Variants in NSUN7 observed in about 807,000 individuals in gnomAD.
NSUN7 encodes protein NSUN7.
A neutral mutation model predicts 58.5 loss-of-function variants in NSUN7; 39 were observed. The observed-to-expected ratio is 0.67, with a 90% CI of 0.52 to 0.87. NSUN7 has a LOEUF of 0.87. Ranked by LOEUF, NSUN7 falls within the 40% of genes least tolerant of loss-of-function variation. The pLI is 0.00. For synonymous variants in NSUN7, 278 were observed against 303.7 expected (o/e 0.92, Z 0.88); for missense variants, 765 against 844.1 (o/e 0.91, Z 1.16).
At chr4:40,763,588 A>T (rs528782401) in intron 4 of NSUN7, among the ~76,000 whole-genome samples, 1 of 152,284 alleles carries the variant, frequency 6.6e-6, no homozygotes, top group Non-Finnish European at 1.5e-5. Context: ...AGTAAGAAAG[A>T]TTACACTGTG....
intron 2 of NSUN7, among the ~76,000 whole-genome samples, chr4:40,752,832 T>TGGAGAAAAA (rs1740906634): frequency 6.6e-6 from 1 of 152,288 alleles, no homozygotes. Flanking sequence ...GTCTCTTTGT[T>TGGAGAAAAA]TTTTGTTTCT....
rs1460148612 is a variant in NSUN7, at chr4:40,808,612, C to T, written c.1830C>T (p.Ala610=). 3 of 1,551,588 alleles carry T rather than the reference C, an allele frequency of 1.9e-6. No individual in the cohort carries two copies. The highest frequency in any genetic ancestry group is 2.6e-6 in the Non-Finnish European group (3 of 1,147,006). The change falls in exon 12 of 12, where the codon GCC becomes GCT. Residue 610 remains alanine (A), a synonymous_variant. Coordinates refer to ENST00000381782, the MANE Select transcript of NSUN7 (RefSeq NM_024677.6). ...AGACCAGAAAACCCAACAAGCTGGC[C>T]CCCCATCCTGCAGTGCCTGCATTTG... The part of the protein sequence containing the change: ...SSQTRKPNKL[A]PHPAVPAFVK...
rs1445748426 is a variant in NSUN7 at position 40,760,488 on chromosome 4, C to T, written c.353C>T (p.Thr118Ile). The T allele has an allele frequency of 2.5e-6, 4 of 1,592,446 alleles. No individual in the cohort carries two copies. Among genetic ancestry groups the T allele is most frequent in the African/African-American group, 2.7e-5 (2 of 74,272 alleles). The part of the protein sequence containing the change: ...LIDSCIFPST[T>I]IPDHLSSLII... ...GACAGCTGTATCTTCCCAAGTACCA[C>T]AATAGTAAGTAGATAAGTTTTAGAA... The change falls in exon 3 of 12, where the codon ACA (threonine) becomes ATA (isoleucine). Residue 118 changes from threonine (T) to isoleucine (I), a missense_variant. Transcript: ENST00000381782.
chr4:40,805,648 A>G (rs1032658351), intron 10 of NSUN7, among the ~76,000 whole-genome samples: 3 of 152,126 alleles, frequency 2.0e-5, no homozygotes, highest in African/African-American at 7.2e-5. Context: ...TTGGTGGCTT[A>G]TGATAACAAA....
chr4:40,793,622 A>G (rs773293186), intron 8 of NSUN7, among the ~76,000 whole-genome samples: 1 of 152,224 alleles, frequency 6.6e-6, no homozygotes, highest in Non-Finnish European at 1.5e-5. Flanking sequence ...CTAGAGAGGC[A>G]GTATAATACA....
intron 2 of NSUN7, among the ~76,000 whole-genome samples, chr4:40,754,935 G>A (rs536919588): frequency 9.9e-5 from 15 of 152,052 alleles, no homozygotes; most frequent in East Asian, 3.8e-4. Context: ...GATTTAAAGC[G>A]CTCCGTAAAA....
intron 4 of NSUN7, among the ~76,000 whole-genome samples, chr4:40,764,143 T>C (rs956309989): frequency 4.6e-5 from 7 of 151,652 alleles, no homozygotes; most frequent in African/African-American, 1.7e-4. Flanking sequence ...TAGTTACATA[T>C]GTATACATGT....
At position 40,756,169 on chromosome 4, in the gene NSUN7, G is replaced by A. The variant is rs1049735525; in HGVS notation, c.299-4265G>A. On this transcript the variant is annotated intron_variant, in intron 2 of 11. Transcript: ENST00000381782. The stretch of plus-strand genomic sequence containing the variant: ...CCTAGGAACCAGTCAAAGGCCAACC[G>A]TTTCTTTAGAATATCCAGAGTTTGG... Among the ~76,000 whole-genome samples, 6 of 152,158 alleles carry A rather than the reference G, an allele frequency of 3.9e-5. No individual in the cohort carries two copies. The East Asian group carries it at 5.8e-4, about 15-fold the overall frequency.
chr4:40,780,784 CACATACACATATAT>C (rs1173977194), intron 7 of NSUN7, among the ~76,000 whole-genome samples: 3 of 78,868 alleles, frequency 3.8e-5, no homozygotes, highest in Non-Finnish European at 7.4e-5. Flanking sequence ...CACACACACA[CACATACACATATAT>C]ATATATATAT....
intron 7 of NSUN7, among the ~76,000 whole-genome samples, chr4:40,783,713 T>C (rs1303730134): frequency 6.6e-6 from 1 of 151,976 alleles, no homozygotes; most frequent in Non-Finnish European, 1.5e-5. Context: ...CCGGGAATGG[T>C]GGTGCACACT....
At position 40,775,068 on chromosome 4, in the gene NSUN7, A is replaced by G. The variant is rs1742202499; in HGVS notation, c.825+118A>G. On this transcript the variant is annotated intron_variant, in intron 6 of 11. Transcript: ENST00000381782. This position sits in a 1 kb window ranked among gnomAD's most constrained non-coding sequence, Gnocchi z 4.3. ...TTTTTATAGATTATCAGGGAGGTTT[A>G]TAAGGCCTAATTGTCACCTTGAATA... 5.9e-6 allele frequency: 3 copies of G among 506,840 alleles called. No homozygotes were observed. The highest frequency in any genetic ancestry group is 5.2e-4 in the Middle Eastern group (1 of 1,928). The allele number at this position is 506,840 out of a possible 1,614,324, so 31.4% of individuals were successfully genotyped here.
At chr4:40,799,088 T>G (rs917398601) in intron 10 of NSUN7, among the ~76,000 whole-genome samples, 184 bp downstream of exon 10, 25 of 140,772 alleles carry the variant, frequency 1.8e-4, no homozygotes, top group African/African-American at 1.6e-4. Flanking sequence ...TTTTTTTTTT[T>G]TTTTTTTTTT....
intron 7 of NSUN7, among the ~76,000 whole-genome samples, chr4:40,780,802 TATATATATATA>T (rs1190034146): frequency 1.7e-3 from 174 of 102,876 alleles, no homozygotes; most frequent in Non-Finnish European, 2.2e-3. Context: ...CATATATATA[TATATATATATA>T]TTTTTTTTTT....
At chr4:40,765,591 A>G (rs1403687705) in intron 4 of NSUN7, among the ~76,000 whole-genome samples, 1 of 152,064 alleles carries the variant, frequency 6.6e-6, no homozygotes, top group Non-Finnish European at 1.5e-5. Context: ...TATGAACTTT[A>G]AAGTAGTTTT....
chr4:40,809,131 T>TTCAGAGACTTCAGCCAA lies in NSUN7; in HGVS notation c.*196_*212dup. ...TAATGTAGGAGTCAGCAAAGCAGAA[T>TTCAGAGACTTCAGCCAA]TCAGAGACTTCAGCCAATCACTGCT... On this transcript the variant is annotated 3_prime_UTR_variant, in exon 12 of 12. Transcript: ENST00000381782. 1.7e-6 allele frequency: 1 copy of TTCAGAGACTTCAGCCAA among 580,584 alleles called. No individual in the cohort carries two copies. Among genetic ancestry groups the TTCAGAGACTTCAGCCAA allele is most frequent in the Non-Finnish European group, 2.9e-6 (1 of 345,058 alleles). 36.0% of individuals were successfully genotyped at this position (580,584 alleles called of 1,614,324 possible). A position where few individuals can be genotyped will look rare whatever the true frequency, so the allele number is the denominator to read the frequency against.
Position 40,750,736 on chromosome 4 carries a change from G to T in NSUN7, c.43G>T (p.Asp15Tyr), listed in dbSNP as rs1235933696. ...CGAACTGGAGTTTTCGAACGAAGAA[G>T]ATCCCGAGATCATCTCCCAACTCAC... The part of the protein sequence containing the change: ...TGELEFSNEE[D>Y]PEIISQLTSL... Residue 15 changes from aspartate to tyrosine, a missense_variant, in exon 2 of 12, where the codon GAT (aspartate) becomes TAT (tyrosine). Asp to Tyr is a radical substitution (Grantham distance 160, BLOSUM62 -3). Coordinates refer to ENST00000381782, the MANE Select transcript of NSUN7 (RefSeq NM_024677.6). 1 of 1,614,086 alleles carries T rather than the reference G, an allele frequency of 6.2e-7. No individual in the cohort carries two copies. The highest frequency in any genetic ancestry group is 8.5e-7 in the Non-Finnish European group (1 of 1,179,996).
At chr4:40,771,344 T>G (rs1741999973) in intron 4 of NSUN7, among the ~76,000 whole-genome samples, 1 of 152,196 alleles carries the variant, frequency 6.6e-6, no homozygotes, top group African/African-American at 2.4e-5. Context: ...CATTTTATAG[T>G]ACCAAACACT....
intron 7 of NSUN7, among the ~76,000 whole-genome samples, chr4:40,785,526 A>G (rs1427106158): frequency 2.0e-5 from 3 of 151,576 alleles, no homozygotes; most frequent in Non-Finnish European, 4.4e-5. Flanking sequence ...TGGCCAGCTA[A>G]TTTTTAGTAT....
In NSUN7 at chr4:40,775,050, A is replaced by G; in HGVS notation, c.825+100A>G. On this transcript the variant is annotated intron_variant, in intron 6 of 11. Coordinates refer to ENST00000381782, the MANE Select transcript of NSUN7 (RefSeq NM_024677.6). This position sits in a 1 kb window ranked among gnomAD's most constrained non-coding sequence, Gnocchi z 4.3. The stretch of plus-strand genomic sequence containing the variant: ...AACCTAACACTGTTTATATTTTTAT[A>G]GATTATCAGGGAGGTTTATAAGGCC... 3 of 554,226 alleles carry G rather than the reference A, an allele frequency of 5.4e-6. No homozygotes were observed. The highest frequency in any genetic ancestry group is 9.4e-6 in the Non-Finnish European group (3 of 320,656). 34.3% of individuals were successfully genotyped at this position (554,226 alleles called of 1,614,324 possible). A position where few individuals can be genotyped will look rare whatever the true frequency, so the allele number is the denominator to read the frequency against.
Sources: gnomAD v4.1 joint callset for allele counts (sites outside exome capture counted in the v4.1 genomes callset) on GRCh38, gnomAD v4.1.1 for gene constraint, Gnocchi (gnomAD v3.1) non-coding constraint, MANE v1.5 for transcripts, NCBI Gene and HGNC (gene_info 2026-07-23, HGNC 2026-07-21) for gene names.